HMCN2: variants seen among roughly 807,000 people sequenced by gnomAD.
The protein encoded by HMCN2 is hemicentin-2.
In HMCN2, 325 loss-of-function variants were observed where a neutral mutation model predicts 377.5. That is an observed-to-expected ratio of 0.86 (90% CI 0.79 to 0.94). The LOEUF is 0.94. Ranked by LOEUF, HMCN2 falls within the 40% of genes least tolerant of loss-of-function variation. The probability of loss-of-function intolerance (pLI) is 0.00; values close to 1 mark genes in which losing one functional copy is unlikely to be tolerated. For missense variants in HMCN2, 4,543 were observed against 4,725.3 expected (o/e 0.96, Z 1.13); for synonymous variants, 2,007 against 2,046.8 (o/e 0.98, Z 0.53).
chr9:130,353,183 G>T lies in HMCN2; in HGVS notation c.4842G>T (p.Lys1614Asn), dbSNP rs1410554358. 7 of 1,303,944 alleles carry T rather than the reference G, an allele frequency of 5.4e-6. No homozygotes were observed. Among genetic ancestry groups the T allele is most frequent in the South Asian group, 4.9e-5 (4 of 81,018 alleles). 80.8% of individuals were successfully genotyped at this position (1,303,944 alleles called of 1,614,324 possible). Reference sequence around the variant, plus strand: ...GCAATGCTGTGGGGGCCGCAGAGAAGGCCACCAGGCTGGATGTTTATGGTG... The same window carrying T: ...GCAATGCTGTGGGGGCCGCAGAGAATGCCACCAGGCTGGATGTTTATGGTG... Reference protein sequence around the residue: ...KASNAVGAAEKATRLDVYVPP... With the variant: ...KASNAVGAAENATRLDVYVPP... The change falls in exon 31 of 98, where the codon AAG (lysine) becomes AAT (asparagine). Residue 1614 changes from lysine to asparagine, a missense_variant. Physicochemically the swap from Lys to Asn is moderately conservative, Grantham distance 94. This residue lies in a region of HMCN2 where 1,032 missense variants were observed against 1,285.1 expected (regional missense o/e 0.80). Coordinates refer to ENST00000683500, the MANE Select transcript of HMCN2 (RefSeq NM_001291815.2).
At chr9:130,392,814 G>C in intron 66 of HMCN2, among the ~76,000 whole-genome samples, 1 of 152,068 alleles carries the variant, frequency 6.6e-6, no homozygotes. Context: ...GGCTAACACG[G>C]TGAAACCCCG....
At chr9:130,388,672 GCCCCC>G in intron 62 of HMCN2, 132 bp downstream of exon 62, 1 of 248,422 alleles carries the variant, frequency 4.0e-6, no homozygotes, top group Non-Finnish European at 6.3e-6. Flanking sequence ...GTGCCGTGTT[GCCCCC>G]CCCCCCACCA....
Position 130,375,636 on chromosome 9 carries a change from C to A in HMCN2, c.7704C>A (p.Ile2568=). Reference sequence around the variant, plus strand: ...TGACCGTGACTGTCAACAACCCCATCTCTCTGATCTGCGAGGCCCTGGCCT... The same window carrying A: ...TGACCGTGACTGTCAACAACCCCATATCTCTGATCTGCGAGGCCCTGGCCT... ...EEVTVTVNNP[I]SLICEALAFP... Residue 2568 remains isoleucine (I), a synonymous_variant, in exon 50 of 98, where the codon ATC becomes ATA. Transcript: ENST00000683500. 1.0e-6 allele frequency: 1 copy of A among 985,920 alleles called. No individual in the cohort carries two copies. The highest frequency in any genetic ancestry group is 1.2e-6 in the Non-Finnish European group (1 of 829,972). 61.1% of individuals were successfully genotyped at this position (985,920 alleles called of 1,614,324 possible). A position where few individuals can be genotyped will look rare whatever the true frequency, so the allele number is the denominator to read the frequency against.
At chr9:130,340,937 A>G (rs1374835444) in intron 23 of HMCN2, among the ~76,000 whole-genome samples, 174 bp from the exon 24 acceptor site, 1 of 152,084 alleles carries the variant, frequency 6.6e-6, no homozygotes, top group South Asian at 2.1e-4. Flanking sequence ...ACCGGAGCTC[A>G]CTCACTTTGG....
At chr9:130,284,284 G>A (rs1835297456) in intron 1 of HMCN2, among the ~76,000 whole-genome samples, 1 of 152,160 alleles carries the variant, frequency 6.6e-6, no homozygotes, top group African/African-American at 2.4e-5. Flanking sequence ...TGTTGGAGGT[G>A]GGGGTTCTTA....
chr9:130,368,096 G>A (rs1477813019), intron 43 of HMCN2, among the ~76,000 whole-genome samples, 180 bp from the exon 44 acceptor site: 1 of 152,060 alleles, frequency 6.6e-6, no homozygotes, highest in East Asian at 1.9e-4. Flanking sequence ...GTTCAGAAGA[G>A]GCACCAGGAC....
chr9:130,313,600 A>ACCCCC (rs878874680), intron 15 of HMCN2, among the ~76,000 whole-genome samples: 19 of 148,438 alleles, frequency 1.3e-4, no homozygotes, highest in South Asian at 8.7e-4. Flanking sequence ...GCATGTGGGC[A>ACCCCC]CCCCCCCCCA....
chr9:130,411,818 G>A (rs1564870237), intron 85 of HMCN2, among the ~76,000 whole-genome samples: 1 of 151,954 alleles, frequency 6.6e-6, no homozygotes, highest in Non-Finnish European at 1.5e-5. Flanking sequence ...GGGGAGAAGG[G>A]GGAGTTAGAA....
At chr9:130,288,847 A>T (rs533164652) in intron 4 of HMCN2, among the ~76,000 whole-genome samples, 4 of 152,280 alleles carry the variant, frequency 2.6e-5, no homozygotes, top group Admixed American at 2.0e-4. Context: ...GAAGGTGAGG[A>T]TCTCTCCCTG....
chr9:130,276,639 G>A (rs1834710107), intron 1 of HMCN2, among the ~76,000 whole-genome samples: 1 of 152,162 alleles, frequency 6.6e-6, no homozygotes, highest in East Asian at 1.9e-4. Flanking sequence ...AAAGGTTCTG[G>A]AGCCATTTTG....
chr9:130,418,158 G>A lies in HMCN2; in HGVS notation c.12962-614G>A, dbSNP rs566125461. Among the ~76,000 whole-genome samples, 15 of 152,286 alleles carry A rather than the reference G, an allele frequency of 9.8e-5. 1 individual carries two copies. In the East Asian group the frequency reaches 2.7e-3, roughly 27 times the overall value. On this transcript the variant is annotated intron_variant, in intron 85 of 97. Transcript: ENST00000683500. ...GCAGTCTAACTGTCCTATAGGAGAG[G>A]CTTCATTTAGCCAATCCCAATACAG...
chr9:130,269,470 G>A (rs1159866737), intron 1 of HMCN2, among the ~76,000 whole-genome samples: 3 of 147,798 alleles, frequency 2.0e-5, no homozygotes, highest in Non-Finnish European at 3.0e-5. Flanking sequence ...CGAGTGGGGG[G>A]ACGACTCTTC....
intron 54 of HMCN2, among the ~76,000 whole-genome samples, chr9:130,380,852 C>T (rs114161279): frequency 6.6e-6 from 1 of 151,508 alleles, no homozygotes; most frequent in African/African-American, 2.4e-5. Flanking sequence ...TCTTACTGAA[C>T]ACTGTTAGTT....
chr9:130,282,461 C>T (rs151176091), intron 1 of HMCN2, among the ~76,000 whole-genome samples: 2 of 152,192 alleles, frequency 1.3e-5, no homozygotes, highest in Non-Finnish European at 2.9e-5. Context: ...TGGCCAAGCT[C>T]CAAGGCTGAG....
chr9:130,294,586 G>C (rs1836005416), intron 4 of HMCN2, among the ~76,000 whole-genome samples: 1 of 152,176 alleles, frequency 6.6e-6, no homozygotes, highest in African/African-American at 2.4e-5. Flanking sequence ...AGGCCAGGTG[G>C]AGAAGTGTGG....
intron 7 of HMCN2, 46 bp downstream of exon 7, chr9:130,296,840 A>G (rs1259564145): frequency 2.0e-5 from 9 of 456,692 alleles, no homozygotes; most frequent in Admixed American, 4.8e-5. Context: ...GCCTCTGAAG[A>G]CCTGGGGCTT....
intron 40 of HMCN2, among the ~76,000 whole-genome samples, chr9:130,363,831 AAAAG>A (rs1411909885): frequency 2.0e-4 from 30 of 150,780 alleles, no homozygotes; most frequent in Admixed American, 5.9e-4. Flanking sequence ...AAAAAAAAAA[AAAAG>A]AAAGAAAGAG....
intron 79 of HMCN2, 94 bp from the exon 80 acceptor site, chr9:130,403,647 T>C (rs1351877569): frequency 2.5e-6 from 3 of 1,187,992 alleles, no homozygotes; most frequent in Middle Eastern, 2.4e-4. Flanking sequence ...CAGCAAGTCA[T>C]TTGCTGCCTG....
intron 5 of HMCN2, among the ~76,000 whole-genome samples, 173 bp downstream of exon 5, chr9:130,295,199 G>A (rs1176963385): frequency 2.0e-5 from 3 of 152,076 alleles, no homozygotes; most frequent in African/African-American, 7.2e-5. Flanking sequence ...CATGGTGTGC[G>A]AGGAAGCAGG....
Sources: gnomAD v4.1 joint callset for allele counts (sites outside exome capture counted in the v4.1 genomes callset) on GRCh38, gnomAD v4.1.1 for gene constraint, gnomAD v4.1.1 regional missense constraint, MANE v1.5 for transcripts, NCBI Gene and HGNC (gene_info 2026-07-23, HGNC 2026-07-21) for gene names.